LRP1B: variants seen among roughly 807,000 people sequenced by gnomAD.
The protein encoded by LRP1B is low-density lipoprotein receptor-related protein 1B.
LRP1B carries 217 observed loss-of-function variants against 556.6 expected under a neutral mutation model. The observed-to-expected ratio is 0.39, with a 90% CI of 0.35 to 0.44. The LOEUF (loss-of-function observed/expected upper bound fraction) is 0.44. LRP1B is among the 20% of genes least tolerant of loss of function. LRP1B has a pLI of 1.00. For synonymous variants in LRP1B, 2,047 were observed against 1,865.8 expected, an observed-to-expected ratio of 1.10 and a Z score of -2.50; for missense variants, 5,053 against 5,620.8, an observed-to-expected ratio of 0.90 and a Z score of 3.23.
At chr2:141,441,839 A>C (rs1680989055) in intron 3 of LRP1B, among the ~76,000 whole-genome samples, 1 of 152,240 alleles carries the variant, frequency 6.6e-6, no homozygotes, top group South Asian at 2.1e-4. Context: ...TTCAGGTAAC[A>C]ACAGTGTGTT....
intron 2 of LRP1B, among the ~76,000 whole-genome samples, chr2:141,612,928 G>A (rs143580882): frequency 1.1e-3 from 162 of 151,892 alleles, no homozygotes; most frequent in East Asian, 7.9e-3. Context: ...TCAGCCTCCC[G>A]AGTAGCTGGG....
intron 31 of LRP1B, among the ~76,000 whole-genome samples, chr2:140,828,789 C>CAAAAAAAAAAAAAAA (rs57621380): frequency 1.1e-3 from 9 of 7,962 alleles, no homozygotes; most frequent in African/African-American, 2.4e-3. Flanking sequence ...GACTCCGTCT[C>CAAAAAAAAAAAAAAA]AAAAAAAAAA....
At chr2:141,153,411 TTAGC>T (rs1701981348) in intron 7 of LRP1B, among the ~76,000 whole-genome samples, 9 of 113,670 alleles carry the variant, frequency 7.9e-5, no homozygotes, top group Admixed American at 2.2e-4. Context: ...ATATTATATA[TTAGC>T]TATATATATT....
intron 1 of LRP1B, among the ~76,000 whole-genome samples, chr2:141,879,519 A>C (rs1698882898): frequency 6.6e-6 from 1 of 152,020 alleles, no homozygotes; most frequent in South Asian, 2.1e-4. Flanking sequence ...TAAGGCATGT[A>C]AAATTTGAGT....
chr2:141,066,760 T>C (rs1042652271), intron 7 of LRP1B, among the ~76,000 whole-genome samples: 1 of 151,952 alleles, frequency 6.6e-6, no homozygotes, highest in Non-Finnish European at 1.5e-5. Flanking sequence ...TTATCATTCA[T>C]TTTAACTTTT....
intron 3 of LRP1B, 123 bp downstream of exon 3, chr2:141,480,273 A>T: frequency 9.1e-7 from 1 of 1,095,422 alleles, no homozygotes; most frequent in Non-Finnish European, 1.4e-6. Context: ...AGTAAAATTC[A>T]TGCTTTCTTA....
chr2:141,271,274 A>G (rs1278135562), intron 3 of LRP1B, among the ~76,000 whole-genome samples: 2 of 151,824 alleles, frequency 1.3e-5, no homozygotes, highest in Non-Finnish European at 2.9e-5. Flanking sequence ...AAGTATGCCA[A>G]CATACACATA....
chr2:142,038,299 T>TG (rs1465113666), intron 1 of LRP1B, among the ~76,000 whole-genome samples: 6 of 151,708 alleles, frequency 4.0e-5, no homozygotes, highest in East Asian at 2.0e-4. Context: ...CCGATGTAAT[T>TG]GGAGCCTTAA....
rs866245555 is a variant in LRP1B at position 141,847,824 on chromosome 2, G to A, written c.83-37423C>T. Among the ~76,000 whole-genome samples, 13 of 151,656 alleles carry A rather than the reference G, an allele frequency of 8.6e-5. No homozygotes were observed. In the Middle Eastern group the frequency reaches 0.01, roughly 119 times the overall value. Reference sequence around the variant, plus strand: ...GTGAAGGTTTGAAACCTTAAAAAATGATGCAAATGTTTTTGTGGCAATAGG... The same window carrying A: ...GTGAAGGTTTGAAACCTTAAAAAATAATGCAAATGTTTTTGTGGCAATAGG... On this transcript the variant is annotated intron_variant, in intron 1 of 90. Transcript: ENST00000389484.
At chr2:141,251,938 G>T (rs406134) in intron 4 of LRP1B, among the ~76,000 whole-genome samples, 32,698 of 151,886 alleles carry the variant, frequency 0.22, 3,592 homozygotes, top group South Asian at 0.25. Flanking sequence ...CAATCATAGG[G>T]ATCTTTATCT....
chr2:140,566,704 C>T (rs1275896333), intron 43 of LRP1B, among the ~76,000 whole-genome samples: 2 of 152,144 alleles, frequency 1.3e-5, no homozygotes, highest in African/African-American at 4.8e-5. Flanking sequence ...CCTAGCTTCT[C>T]AGGGAAACTG....
chr2:141,822,114 C>CAGAGAG lies in LRP1B; in HGVS notation c.83-11714_83-11713insCTCTCT, dbSNP rs1220162057. Reference sequence around the variant, plus strand: ...ACATACACACACACACACACACACACACACACACACACACACAGAGAGAGA... The same window carrying CAGAGAG: ...ACATACACACACACACACACACACACAGAGAGACACACACACACACACAGAGAGAGA... On this transcript the variant is annotated intron_variant, in intron 1 of 90. Coordinates refer to ENST00000389484, the MANE Select transcript of LRP1B (RefSeq NM_018557.3). Among the ~76,000 whole-genome samples the CAGAGAG allele has an allele frequency of 5.9e-4, 66 of 111,566 alleles. 1 individual carries two copies. The highest frequency in any genetic ancestry group is 1.7e-3 in the South Asian group (5 of 2,950). The allele number at this position is 111,566 out of a possible 152,430, so 73.2% of individuals were successfully genotyped here. A position where few individuals can be genotyped will look rare whatever the true frequency, so the allele number is the denominator to read the frequency against.
chr2:140,450,533 A>G, intron 63 of LRP1B, 35 bp downstream of exon 63: 1 of 1,491,550 alleles, frequency 6.7e-7, no homozygotes, highest in Non-Finnish European at 9.3e-7. Flanking sequence ...AAGGAACTCT[A>G]AATTCTAAAT....
intron 66 of LRP1B, among the ~76,000 whole-genome samples, chr2:140,429,979 C>T (rs553543453): frequency 2.6e-5 from 4 of 152,278 alleles, no homozygotes; most frequent in Admixed American, 2.0e-4. Context: ...GTTCCTGGCC[C>T]GGACTTCAAT....
chr2:142,096,973 T>C (rs1284650508), intron 1 of LRP1B, among the ~76,000 whole-genome samples: 1 of 151,542 alleles, frequency 6.6e-6, no homozygotes, highest in African/African-American at 2.4e-5. Flanking sequence ...GACTTTATAA[T>C]CGCTGATCCT....
intron 89 of LRP1B, among the ~76,000 whole-genome samples, chr2:140,235,908 G>C (rs942474134): frequency 2.0e-5 from 3 of 150,858 alleles, no homozygotes; most frequent in Non-Finnish European, 4.5e-5. Flanking sequence ...AAAATGCAAA[G>C]AATTTCAGAA....
chr2:141,442,081 C>T (rs1007179820), intron 3 of LRP1B, among the ~76,000 whole-genome samples: 1 of 152,044 alleles, frequency 6.6e-6, no homozygotes, highest in Non-Finnish European at 1.5e-5. Context: ...TATACTGTTA[C>T]GGTTTCTAAT....
chr2:141,663,909 C>T (rs1360587539), intron 2 of LRP1B, among the ~76,000 whole-genome samples: 1 of 139,610 alleles, frequency 7.2e-6, no homozygotes, highest in Non-Finnish European at 1.5e-5. Context: ...CAAAACCTTG[C>T]AGAGATACAT....
intron 1 of LRP1B, among the ~76,000 whole-genome samples, chr2:141,925,253 A>G (rs954106140): frequency 6.6e-6 from 1 of 152,216 alleles, no homozygotes; most frequent in African/African-American, 2.4e-5. Context: ...TAAAATAAAA[A>G]GTTTCCAAAA....
Sources: allele counts gnomAD v4.1 joint callset (sites outside exome capture counted in the v4.1 genomes callset), GRCh38; gene constraint gnomAD v4.1.1; transcripts MANE v1.5; gene names NCBI Gene and HGNC (gene_info 2026-07-23, HGNC 2026-07-21).